KIZ: variants seen among roughly 807,000 people sequenced by gnomAD.
The protein encoded by KIZ is kizuna centrosomal protein.
KIZ carries 68 observed loss-of-function variants against 79.6 expected under a neutral mutation model. That is an observed-to-expected ratio of 0.85 (90% confidence interval 0.70 to 1.05). The LOEUF is 1.05. Ranked by LOEUF, KIZ falls within the 50% of genes least tolerant of loss-of-function variation. The pLI, the probability that KIZ is intolerant of heterozygous loss-of-function variation, is 0.00. For synonymous variants in KIZ, 280 were observed against 281.8 expected (o/e 0.99, Z 0.06); for missense variants, 797 against 800.4 (o/e 1.00, Z 0.05).
At chr20:21,233,243 T>G (rs1459016121) in intron 11 of KIZ, among the ~76,000 whole-genome samples, 1 of 152,236 alleles carries the variant, frequency 6.6e-6, no homozygotes, top group African/African-American at 2.4e-5. Flanking sequence ...GGATATTCAT[T>G]TTTATTTTCC....
chr20:21,159,488 C>A (rs2122653399), intron 4 of KIZ, among the ~76,000 whole-genome samples: 1 of 152,164 alleles, frequency 6.6e-6, no homozygotes, highest in East Asian at 1.9e-4. Context: ...TGTTTACCTC[C>A]CCCCGATTCC....
chr20:21,222,630 A>G (rs1051198456), intron 9 of KIZ, among the ~76,000 whole-genome samples: 3 of 152,242 alleles, frequency 2.0e-5, no homozygotes, highest in African/African-American at 7.2e-5. Flanking sequence ...TCTGAGAGCT[A>G]GAAGTCTGAA....
chr20:21,185,704 C>T (rs890532385), intron 6 of KIZ, among the ~76,000 whole-genome samples: 18 of 151,124 alleles, frequency 1.2e-4, no homozygotes, highest in Non-Finnish European at 2.7e-4. Context: ...AGCCACCACG[C>T]CCAACCCTAC....
intron 6 of KIZ, among the ~76,000 whole-genome samples, chr20:21,184,238 C>T (rs111955271): frequency 0.015 from 2,206 of 151,630 alleles, 49 homozygotes; most frequent in African/African-American, 0.05. Context: ...ACCTCTGCCT[C>T]CTGGGTACAA....
intron 6 of KIZ, among the ~76,000 whole-genome samples, chr20:21,171,060 A>G (rs2034185340): frequency 6.6e-6 from 1 of 152,234 alleles, no homozygotes; most frequent in African/African-American, 2.4e-5. Context: ...ATCACTAGCA[A>G]TGAATGAGAG....
chr20:21,138,196 T>G (rs2032309221), intron 3 of KIZ, among the ~76,000 whole-genome samples: 1 of 152,230 alleles, frequency 6.6e-6, no homozygotes, highest in Non-Finnish European at 1.5e-5. Flanking sequence ...TATTGTGCCT[T>G]TTTTGTCTCT....
intron 6 of KIZ, among the ~76,000 whole-genome samples, chr20:21,186,356 A>G (rs2034875290): frequency 6.6e-6 from 1 of 151,798 alleles, no homozygotes; most frequent in Non-Finnish European, 1.5e-5. Context: ...TGGACTGGGC[A>G]TGGTTGTTTT....
At chr20:21,132,737 T>C (rs953292540) in intron 2 of KIZ, among the ~76,000 whole-genome samples, 1 of 152,242 alleles carries the variant, frequency 6.6e-6, no homozygotes, top group Non-Finnish European at 1.5e-5. Flanking sequence ...TTCAAGAATC[T>C]GTTTTGCTTA....
chr20:21,136,679 T>C, intron 3 of KIZ, 127 bp downstream of exon 3: 1 of 601,592 alleles, frequency 1.7e-6, no homozygotes, highest in Non-Finnish European at 2.8e-6. Context: ...GCAGTCCTCC[T>C]GTCTTAGCCT....
At chr20:21,165,831 A>T (rs1350665495) in intron 6 of KIZ, among the ~76,000 whole-genome samples, 1 of 152,232 alleles carries the variant, frequency 6.6e-6, no homozygotes, top group Admixed American at 6.5e-5. Flanking sequence ...AGACTTTAAA[A>T]GAGACTGGCC....
At chr20:21,225,596 A>G (rs759099707) in intron 9 of KIZ, among the ~76,000 whole-genome samples, 11 of 152,200 alleles carry the variant, frequency 7.2e-5, no homozygotes, top group Non-Finnish European at 1.2e-4. Flanking sequence ...TTGAACTTCT[A>G]GAGTCATTAC....
intron 6 of KIZ, among the ~76,000 whole-genome samples, chr20:21,178,540 A>G (rs2034527301): frequency 1.3e-5 from 2 of 151,418 alleles, no homozygotes; most frequent in Non-Finnish European, 1.5e-5. Flanking sequence ...GGACAATTTT[A>G]CTTGGATTTG....
At chr20:21,208,436 G>C (rs1291710927) in intron 7 of KIZ, among the ~76,000 whole-genome samples, 3 of 152,206 alleles carry the variant, frequency 2.0e-5, no homozygotes, top group Non-Finnish European at 4.4e-5. Flanking sequence ...GGACGCGGTG[G>C]CTTACGCCTG....
chr20:21,226,678 C>T (rs2036666182), intron 9 of KIZ, among the ~76,000 whole-genome samples: 1 of 152,152 alleles, frequency 6.6e-6, no homozygotes, highest in Non-Finnish European at 1.5e-5. Context: ...TGCACTTCAT[C>T]TTTGTACCTT....
At chr20:21,138,636 C>T (rs2032335177) in intron 3 of KIZ, among the ~76,000 whole-genome samples, 1 of 152,096 alleles carries the variant, frequency 6.6e-6, no homozygotes, top group Non-Finnish European at 1.5e-5. Flanking sequence ...ACTTTGACCC[C>T]TTGGTTAAGA....
chr20:21,166,623 ATTT>A (rs71198085), intron 6 of KIZ: 1,492 of 751,172 alleles, frequency 2.0e-3, no homozygotes, highest in Non-Finnish European at 2.3e-3. Flanking sequence ...GAGCTTTTGT[ATTT>A]TTTTTTTTTT....
rs535361035 is a variant in KIZ at position 21,162,843 on chromosome 20, C to G, written c.1043-7C>G. 5.6e-6 allele frequency: 9 copies of G among 1,608,092 alleles called. No homozygotes were observed. Among genetic ancestry groups the G allele is most frequent in the Non-Finnish European group, 7.6e-6 (9 of 1,176,778 alleles). ...GATTGGTAATCAGTTCATGTCGCCACTTGCAGATCATCTTGCTCACAGGGA... is the reference window on the plus strand; with the variant it reads ...GATTGGTAATCAGTTCATGTCGCCAGTTGCAGATCATCTTGCTCACAGGGA... On this transcript the variant is annotated splice_region_variant and splice_polypyrimidine_tract_variant and intron_variant, in intron 5 of 12. Coordinates refer to ENST00000619189, the MANE Select transcript of KIZ (RefSeq NM_018474.6).
chr20:21,126,241 C>T, intron 1 of KIZ, 37 bp downstream of exon 1: 1 of 1,301,054 alleles, frequency 7.7e-7, no homozygotes, highest in Non-Finnish European at 1.0e-6. Context: ...AGTCGGCCCG[C>T]GCCGGGGGTC....
intron 4 of KIZ, chr20:21,151,121 A>G (rs1408068486): frequency 6.6e-6 from 1 of 152,246 alleles, no homozygotes; most frequent in Non-Finnish European, 1.5e-5. Flanking sequence ...TTACAGATTA[A>G]GAAATGGGAG....
Sources: gnomAD v4.1 joint callset for allele counts (sites outside exome capture counted in the v4.1 genomes callset) on GRCh38, gnomAD v4.1.1 for gene constraint, MANE v1.5 for transcripts, NCBI Gene and HGNC (gene_info 2026-07-23, HGNC 2026-07-21) for gene names.